Variants in COL27A1 observed in about 807,000 individuals in gnomAD.
COL27A1 encodes the protein collagen alpha-1(XXVII) chain.
COL27A1 carries 106 observed loss-of-function variants against 251.3 expected under a neutral mutation model. The observed-to-expected ratio is 0.42, with a 90% confidence interval of 0.36 to 0.50. The LOEUF (loss-of-function observed/expected upper bound fraction) is 0.50. Among genes scored for constraint, COL27A1 ranks in the 20% least tolerant of loss-of-function variants. COL27A1 has a pLI of 0.00. For synonymous variants in COL27A1, 1,000 were observed against 986.3 expected, an observed-to-expected ratio of 1.01 and a Z score of -0.26; for missense variants, 2,325 against 2,522.8, an observed-to-expected ratio of 0.92 and a Z score of 1.68.
intron 28 of COL27A1, among the ~76,000 whole-genome samples, chr9:114,261,630 T>C (rs78799404): frequency 0.013 from 2,001 of 152,320 alleles, 39 homozygotes; most frequent in African/African-American, 0.046. Context: ...AGAGGGATTT[T>C]AGATATTGTC....
At chr9:114,301,409 T>C in intron 53 of COL27A1, 36 bp from the exon 54 acceptor site, 2 of 1,600,636 alleles carry the variant, frequency 1.2e-6, no homozygotes, top group Non-Finnish European at 1.7e-6. Context: ...TCAGCCAGGT[T>C]CCCTAACTCT....
intron 12 of COL27A1, among the ~76,000 whole-genome samples, chr9:114,214,427 G>A (rs530138276): frequency 2.0e-5 from 3 of 152,288 alleles, no homozygotes; most frequent in South Asian, 2.1e-4. Flanking sequence ...CCTTGGGCCC[G>A]TGCATGCGGC....
At chr9:114,210,523 C>T (rs996012701) in intron 11 of COL27A1, among the ~76,000 whole-genome samples, 1 of 152,102 alleles carries the variant, frequency 6.6e-6, no homozygotes, top group Non-Finnish European at 1.5e-5. Flanking sequence ...CTAAGACACC[C>T]TGTCCTTCCA....
intron 5 of COL27A1, among the ~76,000 whole-genome samples, chr9:114,186,854 ATGG>A (rs1442891995): frequency 2.6e-5 from 4 of 152,178 alleles, no homozygotes; most frequent in African/African-American, 9.6e-5. Flanking sequence ...ATGCTGGACC[ATGG>A]TGGAGTCAGG....
intron 28 of COL27A1, among the ~76,000 whole-genome samples, chr9:114,260,051 G>A (rs1212416239): frequency 6.6e-6 from 1 of 152,012 alleles, no homozygotes; most frequent in Admixed American, 6.5e-5. Context: ...GCTCCATCCG[G>A]ATCCTCTGTA....
Position 114,309,402 on chromosome 9 carries a change from G to A in COL27A1, c.5360G>A (p.Arg1787His), listed in dbSNP as rs563119854. 9 of 1,614,122 alleles carry A rather than the reference G, an allele frequency of 5.6e-6. No homozygotes were observed. The highest frequency in any genetic ancestry group is 1.7e-5 in the Admixed American group (1 of 60,032). ...TGQTPAKQAV[R>H]FRAWNGQIFE... ...CAGACCCCAGCCAAGCAGGCCGTAC[G>A]CTTCCGGGCCTGGAATGGACAGATT... Residue 1787 changes from arginine (R) to histidine (H), a missense_variant, in exon 60 of 61, where the codon CGC (arginine) becomes CAC (histidine). By Grantham distance (29) the Arg-to-His change is conservative. Coordinates refer to ENST00000356083, the MANE Select transcript of COL27A1 (RefSeq NM_032888.4).
intron 7 of COL27A1, among the ~76,000 whole-genome samples, chr9:114,202,829 C>T (rs1829668283): frequency 6.6e-6 from 1 of 152,114 alleles, no homozygotes; most frequent in Non-Finnish European, 1.5e-5. Flanking sequence ...TTGATCCCAC[C>T]CTCTCTTCAC....
chr9:114,267,064 G>C (rs1012529028), intron 33 of COL27A1, among the ~76,000 whole-genome samples: 3 of 152,180 alleles, frequency 2.0e-5, no homozygotes, highest in African/African-American at 7.2e-5. Context: ...GTTTATGCAA[G>C]GGCTGCAGCC....
At chr9:114,219,152 G>A (rs1474706655) in intron 12 of COL27A1, among the ~76,000 whole-genome samples, 1 of 152,094 alleles carries the variant, frequency 6.6e-6, no homozygotes, top group Non-Finnish European at 1.5e-5. Flanking sequence ...AGCGTGGAGC[G>A]GCCTCCAGAG....
Position 114,205,146 on chromosome 9 carries a change from G to A in COL27A1, c.2169G>A (p.Gln723=). The change falls in exon 8 of 61, where the codon CAG becomes CAA. Residue 723 remains glutamine (Q), a splice_region_variant and synonymous_variant. Transcript: ENST00000356083. ...YPGPAGHPGE[Q]GQPGPEGSPG... is the part of the protein sequence containing the mutation. ...GACCGGCAGGGCACCCCGGAGAACA[G>A]GTGAGGGCCTCAGCCTCAGCCCTGC... 6.2e-7 allele frequency: 1 copy of A among 1,613,148 alleles called. No homozygotes were observed. Among genetic ancestry groups the A allele is most frequent in the Non-Finnish European group, 8.5e-7 (1 of 1,179,912 alleles).
Position 114,290,783 on chromosome 9 carries a change from A to G in COL27A1, c.4369-27A>G. ...TTGGCTGTATCGTGAAACACAAGAGACCCTCCTCTGCCTGCTTTCTTAACA... is the reference window on the plus strand; with the variant it reads ...TTGGCTGTATCGTGAAACACAAGAGGCCCTCCTCTGCCTGCTTTCTTAACA... On this transcript the variant is annotated intron_variant, in intron 47 of 60. Transcript: ENST00000356083. The surrounding 1 kb of genome is among the most constrained non-coding windows in gnomAD (Gnocchi z 4.6). 1 of 1,499,332 alleles carries G rather than the reference A, an allele frequency of 6.7e-7. No homozygotes were observed. Among genetic ancestry groups the G allele is most frequent in the Non-Finnish European group, 9.0e-7 (1 of 1,109,224 alleles). The allele number at this position is 1,499,332 out of a possible 1,614,324, so 92.9% of individuals were successfully genotyped here.
chr9:114,309,061 G>A (rs533947579), intron 59 of COL27A1, among the ~76,000 whole-genome samples, 199 bp from the exon 60 acceptor site: 137 of 152,218 alleles, frequency 9.0e-4, no homozygotes, highest in African/African-American at 3.1e-3. Flanking sequence ...TCCCACTTAC[G>A]CAGCCAAGAA....
chr9:114,309,591 A>G lies in COL27A1; in HGVS notation c.5436+113A>G, dbSNP rs538597033. 3.1e-4 allele frequency: 231 copies of G among 749,134 alleles called. No homozygotes were observed. In the African/African-American group the frequency reaches 3.6e-3, roughly 12 times the overall value. 46.4% of individuals were successfully genotyped at this position (749,134 alleles called of 1,614,324 possible). A position where few individuals can be genotyped will look rare whatever the true frequency, so the allele number is the denominator to read the frequency against. ...ATATCTAACATTTTAATAGTATACTATATTAATGTGATAGATATGATTTCA... is the reference window on the plus strand; with the variant it reads ...ATATCTAACATTTTAATAGTATACTGTATTAATGTGATAGATATGATTTCA... On this transcript the variant is annotated intron_variant, in intron 60 of 60. Coordinates refer to ENST00000356083, the MANE Select transcript of COL27A1 (RefSeq NM_032888.4).
chr9:114,248,946 CT>C (rs1490248146), intron 24 of COL27A1, among the ~76,000 whole-genome samples: 12 of 152,226 alleles, frequency 7.9e-5, no homozygotes, highest in Non-Finnish European at 1.8e-4. Context: ...TGTCTTACCC[CT>C]GTGCCCTTGT....
chr9:114,307,571 G>T (rs1358868149), intron 58 of COL27A1, 98 bp from the exon 59 acceptor site: 2 of 828,584 alleles, frequency 2.4e-6, no homozygotes, highest in Non-Finnish European at 4.2e-6. Flanking sequence ...GCTCACCTGG[G>T]GCTCGGCAGG....
intron 8 of COL27A1, 135 bp downstream of exon 8, chr9:114,205,281 A>T: frequency 1.4e-6 from 1 of 739,424 alleles, no homozygotes; most frequent in Non-Finnish European, 2.2e-6. Context: ...ACCCTGCTGG[A>T]GCCCCCAGCC....
At chr9:114,247,736 G>A (rs144845746) in intron 24 of COL27A1, among the ~76,000 whole-genome samples, 12 of 152,318 alleles carry the variant, frequency 7.9e-5, no homozygotes, top group East Asian at 7.7e-4. Flanking sequence ...CATGCCAGCC[G>A]TTCCCTTGGC....
At chr9:114,248,100 C>T (rs1480461155) in intron 24 of COL27A1, among the ~76,000 whole-genome samples, 1 of 152,162 alleles carries the variant, frequency 6.6e-6, no homozygotes, top group Non-Finnish European at 1.5e-5. Flanking sequence ...CAGGCAGTAA[C>T]ATCACTGTCA....
chr9:114,205,166 C>T lies in COL27A1; in HGVS notation c.2169+20C>T, dbSNP rs202119417. 3.4e-5 allele frequency: 54 copies of T among 1,610,560 alleles called. No homozygotes were observed. In the African/African-American group the frequency reaches 6.9e-4, roughly 21 times the overall value. ...GAACAGGTGAGGGCCTCAGCCTCAG[C>T]CCTGCCCTGGTCGCTCTCCCTCCTC... On this transcript the variant is annotated intron_variant, in intron 8 of 60. Transcript: ENST00000356083.
Sources: gnomAD v4.1 joint callset for allele counts (sites outside exome capture counted in the v4.1 genomes callset) on GRCh38, gnomAD v4.1.1 for gene constraint, Gnocchi (gnomAD v3.1) non-coding constraint, MANE v1.5 for transcripts, NCBI Gene and HGNC (gene_info 2026-07-23, HGNC 2026-07-21) for gene names.